ANXA10: variants seen among roughly 807,000 people sequenced by gnomAD.
The protein encoded by ANXA10 is annexin A10.
A neutral mutation model predicts 53.5 loss-of-function variants in ANXA10; 49 were observed. The observed-to-expected ratio is 0.92, with a 90% CI of 0.73 to 1.16. ANXA10 has a LOEUF of 1.16. Among genes scored for constraint, ANXA10 ranks in the 50% most tolerant of loss-of-function variants. The probability of loss-of-function intolerance (pLI) is 0.00; values close to 1 mark genes in which losing one functional copy is unlikely to be tolerated. For missense variants in ANXA10, 393 were observed against 394.4 expected (o/e 1.00, Z 0.03); for synonymous variants, 131 against 128.9 (o/e 1.02, Z -0.11).
chr4:168,129,572 A>G (rs1424619725), intron 2 of ANXA10, among the ~76,000 whole-genome samples: 1 of 152,166 alleles, frequency 6.6e-6, no homozygotes, highest in Non-Finnish European at 1.5e-5. Flanking sequence ...CCACTGTAGC[A>G]TGCCAGAGCA....
At chr4:168,160,862 T>C (rs985441742) in intron 3 of ANXA10, among the ~76,000 whole-genome samples, 1 of 152,196 alleles carries the variant, frequency 6.6e-6, no homozygotes, top group Non-Finnish European at 1.5e-5. Flanking sequence ...CTGTCTTCTT[T>C]TGAGAAGTGT....
At chr4:168,128,039 T>C (rs1417076726) in intron 1 of ANXA10, 45 bp from the exon 2 acceptor site, 1 of 1,533,814 alleles carries the variant, frequency 6.5e-7, no homozygotes, top group Non-Finnish European at 9.0e-7. Flanking sequence ...GTTGAAACAT[T>C]AACATGAATT....
chr4:168,153,523 G>C (rs1450654671), intron 3 of ANXA10, among the ~76,000 whole-genome samples: 1 of 148,090 alleles, frequency 6.8e-6, no homozygotes, highest in Non-Finnish European at 1.5e-5. Flanking sequence ...ATATAGTAAA[G>C]GTTGCAAAAA....
At chr4:168,151,140 AT>A (rs1232672368) in intron 3 of ANXA10, among the ~76,000 whole-genome samples, 1 of 152,198 alleles carries the variant, frequency 6.6e-6, no homozygotes, top group African/African-American at 2.4e-5. Flanking sequence ...TGATGCAAGT[AT>A]TTACATAGTG....
At chr4:168,139,723 C>T in intron 3 of ANXA10, 143 bp downstream of exon 3, 1 of 526,722 alleles carries the variant, frequency 1.9e-6, no homozygotes. Flanking sequence ...GTTCATATTC[C>T]TCTTACATGT....
intron 1 of ANXA10, among the ~76,000 whole-genome samples, chr4:168,111,869 A>G (rs1043735810): frequency 6.6e-6 from 1 of 152,212 alleles, no homozygotes; most frequent in Non-Finnish European, 1.5e-5. Flanking sequence ...GCATGTAATG[A>G]CATCTTATTA....
chr4:168,100,932 C>A (rs977365757), intron 1 of ANXA10, among the ~76,000 whole-genome samples: 1 of 152,036 alleles, frequency 6.6e-6, no homozygotes, highest in African/African-American at 2.4e-5. Flanking sequence ...ACTAACTAAA[C>A]CACAGATATT....
intron 1 of ANXA10, among the ~76,000 whole-genome samples, chr4:168,120,666 A>T (rs1228019718): frequency 6.6e-6 from 1 of 152,084 alleles, no homozygotes; most frequent in Non-Finnish European, 1.5e-5. Flanking sequence ...GGGAGGTTCA[A>T]TATCCTCATC....
intron 3 of ANXA10, among the ~76,000 whole-genome samples, chr4:168,152,236 C>G (rs1731509931): frequency 6.6e-6 from 1 of 152,040 alleles, no homozygotes; most frequent in African/African-American, 2.4e-5. Context: ...ACAGGGCAGG[C>G]TTCACTAAGA....
At position 168,173,572 on chromosome 4, in the gene ANXA10, G is replaced by A. The variant is rs529472418; in HGVS notation, c.481-4168G>A. 3.3e-4 allele frequency among the ~76,000 whole-genome samples: 51 copies of A among 152,280 alleles called. 1 individual carries two copies. The South Asian group carries it at 0.01, about 30-fold the overall frequency. On this transcript the variant is annotated intron_variant, in intron 6 of 11. Transcript: ENST00000359299. ...GTAAAGCTAGCTGTAATGTTACCTC[G>A]GACCCATAGGAGAGCATTGGCAGTG...
intron 1 of ANXA10, among the ~76,000 whole-genome samples, chr4:168,109,881 CACTT>C (rs1730776213): frequency 6.6e-6 from 1 of 152,178 alleles, no homozygotes; most frequent in South Asian, 2.1e-4. Flanking sequence ...TAAGTTATCT[CACTT>C]AGTTTACACT....
chr4:168,177,369 T>C (rs1270326668), intron 6 of ANXA10, among the ~76,000 whole-genome samples: 1 of 152,182 alleles, frequency 6.6e-6, no homozygotes, highest in Middle Eastern at 3.2e-3. Flanking sequence ...GGACTTTCTC[T>C]GCATTTTTGC....
At chr4:168,101,543 A>T (rs1730639828) in intron 1 of ANXA10, among the ~76,000 whole-genome samples, 1 of 151,816 alleles carries the variant, frequency 6.6e-6, no homozygotes, top group Admixed American at 6.6e-5. Context: ...ACTTACAGCT[A>T]CAAGATGCAT....
chr4:168,114,734 C>T (rs975696615), intron 1 of ANXA10, among the ~76,000 whole-genome samples: 1 of 152,124 alleles, frequency 6.6e-6, no homozygotes, highest in Non-Finnish European at 1.5e-5. Context: ...TAAGTAAGAA[C>T]ATGCAATATT....
At chr4:168,138,845 TA>T (rs1289551356) in intron 2 of ANXA10, among the ~76,000 whole-genome samples, 1 of 152,180 alleles carries the variant, frequency 6.6e-6, no homozygotes, top group Admixed American at 6.5e-5. Flanking sequence ...TTTATTTATT[TA>T]TTGTAACTAT....
intron 11 of ANXA10, 111 bp downstream of exon 11, chr4:168,184,792 C>A: frequency 7.1e-7 from 1 of 1,404,374 alleles, no homozygotes; most frequent in Non-Finnish European, 9.7e-7. Context: ...GTTAACTATT[C>A]AGACAGGGAT....
At chr4:168,170,034 T>C (rs1401200879) in intron 6 of ANXA10, among the ~76,000 whole-genome samples, 4 of 152,168 alleles carry the variant, frequency 2.6e-5, no homozygotes, top group Non-Finnish European at 5.9e-5. Flanking sequence ...GGGCAATCAA[T>C]TTTATTCCCA....
At chr4:168,174,645 G>GA (rs1266503242) in intron 6 of ANXA10, among the ~76,000 whole-genome samples, 2 of 152,100 alleles carry the variant, frequency 1.3e-5, no homozygotes, top group South Asian at 4.2e-4. Context: ...AAAACGCACA[G>GA]AAAAAAAATC....
chr4:168,157,519 C>T (rs974352618), intron 3 of ANXA10, among the ~76,000 whole-genome samples: 18 of 152,166 alleles, frequency 1.2e-4, no homozygotes, highest in Non-Finnish European at 2.5e-4. Context: ...CTGTCTCAGC[C>T]TCCCAAAGTC....
Sources: allele counts gnomAD v4.1 joint callset (sites outside exome capture counted in the v4.1 genomes callset), GRCh38; gene constraint gnomAD v4.1.1; transcripts MANE v1.5; gene names NCBI Gene and HGNC (gene_info 2026-07-23, HGNC 2026-07-21).